VCL: variants seen among roughly 807,000 people sequenced by gnomAD.
VCL encodes the protein epididymis luminal protein 114.
Under a neutral mutation model 125.7 loss-of-function variants are expected in VCL, and 47 were observed. The ratio of observed to expected loss-of-function variants is 0.37; its 90% CI spans 0.30 to 0.48. The LOEUF is 0.48. Ranked by LOEUF, VCL falls within the 20% of genes least tolerant of loss-of-function variation. The pLI is 0.99. For synonymous variants in VCL, 458 were observed against 514.6 expected, an observed-to-expected ratio of 0.89 and a Z score of 1.49; for missense variants, 1,069 against 1,455.5, an observed-to-expected ratio of 0.73 and a Z score of 4.32.
chr10:74,119,927 TC>T lies in VCL; in HGVS notation c.*1760del, dbSNP rs1208116334. ...AAATCATGTTTGCTCTCCCGGTTCT[TC>T]CAGTGGTTTGAGACACTGGTTTACA... is the stretch of plus-strand genomic sequence containing the variant. On this transcript the variant is annotated 3_prime_UTR_variant, in exon 22 of 22. Transcript: ENST00000211998. 1.3e-5 allele frequency: 2 copies of T among 152,144 alleles called. No individual in the cohort carries two copies. Among genetic ancestry groups the T allele is most frequent in the African/African-American group, 2.4e-5 (1 of 41,308 alleles). The allele number at this position is 152,144 out of a possible 1,614,324, so 9.4% of individuals were successfully genotyped here. A position where few individuals can be genotyped will look rare whatever the true frequency, so the allele number is the denominator to read the frequency against.
chr10:74,057,779 A>G (rs1305453252), intron 2 of VCL, among the ~76,000 whole-genome samples: 4 of 152,110 alleles, frequency 2.6e-5, no homozygotes, highest in Admixed American at 2.6e-4. Flanking sequence ...TAAAAATACA[A>G]AAAATTACCT....
intron 2 of VCL, among the ~76,000 whole-genome samples, chr10:74,064,793 A>G (rs575648734): frequency 1.3e-5 from 2 of 152,328 alleles, no homozygotes; most frequent in East Asian, 3.9e-4. Context: ...TTAATAACAC[A>G]TAGAAAATTT....
At chr10:74,091,791 C>CAAAAAAAAAAAAAAAAAAAAAA (rs545539526) in intron 10 of VCL, among the ~76,000 whole-genome samples, 13 of 61,136 alleles carry the variant, frequency 2.1e-4, no homozygotes, top group Non-Finnish European at 3.3e-4. Context: ...TCTGTCTCAG[C>CAAAAAAAAAAAAAAAAAAAAAA]AAAAAAAAAA....
intron 2 of VCL, among the ~76,000 whole-genome samples, chr10:74,045,237 G>T (rs1313468555): frequency 6.6e-6 from 1 of 151,354 alleles, no homozygotes; most frequent in African/African-American, 2.4e-5. Flanking sequence ...ATAATTGAGG[G>T]AAATGAAAAA....
At chr10:74,044,180 A>T (rs1176820355) in intron 2 of VCL, among the ~76,000 whole-genome samples, 1 of 152,124 alleles carries the variant, frequency 6.6e-6, no homozygotes, top group Non-Finnish European at 1.5e-5. Flanking sequence ...TATATCTCCT[A>T]GTATTCCTAA....
At chr10:74,016,194 T>C (rs1840534778) in intron 1 of VCL, among the ~76,000 whole-genome samples, 2 of 152,206 alleles carry the variant, frequency 1.3e-5, no homozygotes, top group African/African-American at 4.8e-5. Flanking sequence ...TGCTTCAGTT[T>C]TGATAGTCTC....
chr10:74,043,205 G>T, intron 2 of VCL, 52 bp downstream of exon 2: 1 of 1,508,668 alleles, frequency 6.6e-7, no homozygotes, highest in South Asian at 1.2e-5. Context: ...ACTCTTGTTA[G>T]GAAGAAAAAG....
intron 1 of VCL, among the ~76,000 whole-genome samples, chr10:74,009,329 G>A (rs948301121): frequency 6.6e-6 from 1 of 151,050 alleles, no homozygotes; most frequent in East Asian, 1.9e-4. Flanking sequence ...CGCCATCTCG[G>A]CTCACTGCAA....
intron 9 of VCL, 90 bp downstream of exon 9, chr10:74,089,439 A>C (rs545768760): frequency 6.4e-7 from 1 of 1,572,634 alleles, no homozygotes; most frequent in Non-Finnish European, 8.6e-7. Flanking sequence ...GTCTCTTATC[A>C]TTTACTGTGG....
chr10:74,009,224 C>G lies in VCL; in HGVS notation c.168+10849C>G, dbSNP rs377176717. The stretch of plus-strand genomic sequence containing the variant: ...CTAGGTGGCTGCTGCTTTCCCCCCC[C>G]CCCCCCGAGCCATTTTAGTATTTAA... On this transcript the variant is annotated intron_variant, in intron 1 of 21. Transcript: ENST00000211998. 2.1e-3 allele frequency among the ~76,000 whole-genome samples: 254 copies of G among 121,860 alleles called. 24 individuals are homozygous for G. The East Asian group carries it at 0.03, about 14-fold the overall frequency. The allele number at this position is 121,860 out of a possible 152,430, so 79.9% of individuals were successfully genotyped here. A position where few individuals can be genotyped will look rare whatever the true frequency, so the allele number is the denominator to read the frequency against.
intron 14 of VCL, among the ~76,000 whole-genome samples, chr10:74,103,443 A>G (rs776679665): frequency 9.9e-5 from 15 of 152,134 alleles, no homozygotes; most frequent in Admixed American, 1.3e-4. Flanking sequence ...TTTTCTTCAT[A>G]TTATTCATAA....
chr10:74,074,511 A>C (rs1457615220), intron 5 of VCL, among the ~76,000 whole-genome samples: 1 of 152,174 alleles, frequency 6.6e-6, no homozygotes, highest in African/African-American at 2.4e-5. Flanking sequence ...TTAGTTACTT[A>C]ATCATGTTGT....
At chr10:74,102,860 C>A (rs576923420) in intron 14 of VCL, among the ~76,000 whole-genome samples, 3 of 151,958 alleles carry the variant, frequency 2.0e-5, no homozygotes, top group Non-Finnish European at 4.4e-5. Flanking sequence ...GGACTTGAGA[C>A]CTCTGTGAGT....
At chr10:74,069,337 G>A (rs901374276) in intron 2 of VCL, among the ~76,000 whole-genome samples, 15 of 152,262 alleles carry the variant, frequency 9.9e-5, no homozygotes, top group Admixed American at 2.0e-4. Flanking sequence ...AACTGCGCCC[G>A]GCCATGTATT....
At chr10:74,013,333 C>T (rs543936994) in intron 1 of VCL, among the ~76,000 whole-genome samples, 2 of 152,118 alleles carry the variant, frequency 1.3e-5, no homozygotes, top group South Asian at 4.2e-4. Flanking sequence ...AATTTAGGCA[C>T]AGAGTCCTGG....
At chr10:74,082,608 G>A (rs1188822978) in intron 7 of VCL, 64 bp downstream of exon 7, 2 of 1,553,856 alleles carry the variant, frequency 1.3e-6, no homozygotes, top group African/African-American at 2.7e-5. Context: ...GCAAATGAAA[G>A]AAAGAAATTT....
intron 1 of VCL, among the ~76,000 whole-genome samples, chr10:74,030,233 C>A (rs1256042404): frequency 2.0e-5 from 3 of 152,216 alleles, no homozygotes; most frequent in African/African-American, 7.2e-5. Context: ...TTACTACCAT[C>A]TTCAACTTAC....
At chr10:74,051,276 A>T (rs1321777270) in intron 2 of VCL, among the ~76,000 whole-genome samples, 1 of 152,010 alleles carries the variant, frequency 6.6e-6, no homozygotes, top group African/African-American at 2.4e-5. Flanking sequence ...TTGCTCTGTC[A>T]TCCAGGCTGG....
intron 13 of VCL, among the ~76,000 whole-genome samples, chr10:74,099,642 C>T (rs533281157): frequency 1.3e-5 from 2 of 152,116 alleles, no homozygotes; most frequent in Non-Finnish European, 2.9e-5. Flanking sequence ...GGTTGAGTGA[C>T]GAGAAAAGCA....
Sources: allele counts gnomAD v4.1 joint callset (sites outside exome capture counted in the v4.1 genomes callset), GRCh38; gene constraint gnomAD v4.1.1; transcripts MANE v1.5; gene names NCBI Gene and HGNC (gene_info 2026-07-23, HGNC 2026-07-21).